Variants in EVA1A observed in about 807,000 individuals in gnomAD.
EVA1A encodes eva-1 homolog A, regulator of programmed cell death.
Under a neutral mutation model 9.8 loss-of-function variants are expected in EVA1A, and 7 were observed. That is an observed-to-expected ratio of 0.71 (90% CI 0.41 to 1.34). The LOEUF is 1.34. EVA1A is among the 40% of genes most tolerant of loss of function. The pLI is 0.01. For missense variants in EVA1A, 206 were observed against 205.9 expected (o/e 1.00, Z 0.00); for synonymous variants, 90 against 85.6 (o/e 1.05, Z -0.28).
chr2:75,553,730 C>A (rs1277676317), intron 1 of EVA1A, among the ~76,000 whole-genome samples: 1 of 152,232 alleles, frequency 6.6e-6, no homozygotes, highest in Non-Finnish European at 1.5e-5. Context: ...TCCTACAGTG[C>A]ACCCTGCTTT....
intron 1 of EVA1A, chr2:75,540,859 T>G (rs1162736651): frequency 6.6e-6 from 1 of 152,076 alleles, no homozygotes; most frequent in Non-Finnish European, 1.5e-5. Context: ...AGACCTCCAG[T>G]ATAACATAAA....
chr2:75,493,012 C>A lies in EVA1A; in HGVS notation c.*224G>T. On this transcript the variant is annotated 3_prime_UTR_variant, in exon 4 of 4. Transcript: ENST00000393913. ...CAGTGTTGGAGAGGATTTTTCAGCA[C>A]CATTCCGAGACCTGGAAAGGGTGAT... 1 of 602,746 alleles carries A rather than the reference C, an allele frequency of 1.7e-6. No homozygotes were observed. Among genetic ancestry groups the A allele is most frequent in the African/African-American group, 1.8e-5 (1 of 54,062 alleles). 37.3% of individuals were successfully genotyped at this position (602,746 alleles called of 1,614,324 possible).
At chr2:75,521,655 G>C (rs1211919678) in intron 2 of EVA1A, among the ~76,000 whole-genome samples, 1 of 152,194 alleles carries the variant, frequency 6.6e-6, no homozygotes, top group Non-Finnish European at 1.5e-5. Context: ...CGGTTGTCAG[G>C]AACAGGAGCA....
chr2:75,531,897 C>T (rs1223035092), intron 1 of EVA1A, among the ~76,000 whole-genome samples: 1 of 152,106 alleles, frequency 6.6e-6, no homozygotes, highest in Non-Finnish European at 1.5e-5. Context: ...CGGTGGCTCA[C>T]GCCTGTAATC....
chr2:75,515,082 T>C (rs1483534245), intron 3 of EVA1A, among the ~76,000 whole-genome samples: 1 of 152,260 alleles, frequency 6.6e-6, no homozygotes, highest in Non-Finnish European at 1.5e-5. Context: ...TTATGTTTTA[T>C]TGATAATTTG....
intron 1 of EVA1A, among the ~76,000 whole-genome samples, chr2:75,539,525 A>G (rs1259653677): frequency 6.6e-6 from 1 of 152,236 alleles, no homozygotes; most frequent in Non-Finnish European, 1.5e-5. Flanking sequence ...GTAAAGAAAT[A>G]GACACTGCTT....
At chr2:75,532,606 A>T (rs1253239890) in intron 1 of EVA1A, among the ~76,000 whole-genome samples, 1 of 152,240 alleles carries the variant, frequency 6.6e-6, no homozygotes, top group Non-Finnish European at 1.5e-5. Context: ...TGGAAAAAAA[A>T]TGAACAGAAT....
intron 3 of EVA1A, among the ~76,000 whole-genome samples, chr2:75,501,272 G>A (rs1674407791): frequency 6.6e-6 from 1 of 152,120 alleles, no homozygotes; most frequent in South Asian, 2.1e-4. Context: ...ATAAAACTGA[G>A]TCTTTCTTAC....
intron 1 of EVA1A, among the ~76,000 whole-genome samples, chr2:75,527,181 T>TCCACAC (rs894489507): frequency 1.3e-5 from 2 of 152,110 alleles, no homozygotes; most frequent in Non-Finnish European, 2.9e-5. Context: ...CATGGCCTCA[T>TCCACAC]CCACACCCAC....
intron 3 of EVA1A, among the ~76,000 whole-genome samples, chr2:75,511,333 T>C (rs1674804011): frequency 6.6e-6 from 1 of 152,240 alleles, no homozygotes; most frequent in Non-Finnish European, 1.5e-5. Flanking sequence ...TAGTTATTTA[T>C]TGCAGCTCTG....
At chr2:75,563,873 C>T (rs1572999285), upstream of EVA1A, among the ~76,000 whole-genome samples, 1 of 152,296 alleles carries the variant, frequency 6.6e-6, no homozygotes, top group Non-Finnish European at 1.5e-5. Flanking sequence ...TGGCTTGACA[C>T]TCTAGGCTGA....
intron 1 of EVA1A, among the ~76,000 whole-genome samples, chr2:75,540,060 A>G (rs1486477750): frequency 6.6e-6 from 1 of 152,216 alleles, no homozygotes; most frequent in East Asian, 1.9e-4. Flanking sequence ...ACTACCTTGC[A>G]ACCTTCCACA....
chr2:75,529,660 G>A (rs577709295), intron 1 of EVA1A, among the ~76,000 whole-genome samples: 3 of 152,248 alleles, frequency 2.0e-5, no homozygotes, highest in South Asian at 2.1e-4. Flanking sequence ...TTGGGTCAAC[G>A]ATGAAATAAA....
chr2:75,518,252 C>T, intron 2 of EVA1A, 44 bp from the exon 3 acceptor site: 1 of 1,492,000 alleles, frequency 6.7e-7, no homozygotes, highest in South Asian at 1.4e-5. Flanking sequence ...ATTCTGCTGT[C>T]CTGAGGCCAT....
At position 75,494,923 on chromosome 2, in the gene EVA1A, A is replaced by G. The variant is rs187487892; in HGVS notation, c.86-1314T>C. On this transcript the variant is annotated intron_variant, in intron 3 of 3. Coordinates refer to ENST00000393913, the MANE Select transcript of EVA1A (RefSeq NM_001135032.2). ...GAAGATAACAGTCATTCTGTTAATG[A>G]TCAGTATGCTTAGGGGGCCTAGTTG... Among the ~76,000 whole-genome samples, 4 of 152,246 alleles carry G rather than the reference A, an allele frequency of 2.6e-5. No homozygotes were observed. The East Asian group carries it at 5.8e-4, about 22-fold the overall frequency.
intron 1 of EVA1A, among the ~76,000 whole-genome samples, chr2:75,531,388 C>G (rs1386790849): frequency 1.3e-5 from 2 of 152,132 alleles, no homozygotes; most frequent in African/African-American, 2.4e-5. Context: ...GATCCAGCAA[C>G]CTCACTACTG....
At chr2:75,548,231 C>T (rs767459705) in intron 1 of EVA1A, among the ~76,000 whole-genome samples, 1 of 152,232 alleles carries the variant, frequency 6.6e-6, no homozygotes, top group Non-Finnish European at 1.5e-5. Context: ...TTCCTGTGCT[C>T]AAGGGATTCT....
chr2:75,555,828 C>T (rs1676692801), intron 1 of EVA1A, among the ~76,000 whole-genome samples: 1 of 152,202 alleles, frequency 6.6e-6, no homozygotes, highest in South Asian at 2.1e-4. Flanking sequence ...GACTCTTACA[C>T]ATGCTGTTTC....
chr2:75,555,338 C>CTCTCTCTCTCTCT (rs1553421964), intron 1 of EVA1A, among the ~76,000 whole-genome samples: 42 of 40,216 alleles, frequency 1.0e-3, no homozygotes, highest in African/African-American at 2.9e-3. Context: ...TCTCTCTCTC[C>CTCTCTCTCTCTCT]CCCATCTCCC....
Sources: allele counts gnomAD v4.1 joint callset (sites outside exome capture counted in the v4.1 genomes callset), GRCh38; gene constraint gnomAD v4.1.1; transcripts MANE v1.5; gene names NCBI Gene and HGNC (gene_info 2026-07-23, HGNC 2026-07-21).